Variants in AGAP1 observed in about 807,000 individuals in gnomAD.
AGAP1 encodes the protein ArfGAP with GTPase domain, ankyrin repeat and PH domain 1.
AGAP1 carries 29 observed loss-of-function variants against 105.3 expected under a neutral mutation model. That is an observed-to-expected ratio of 0.28 (90% CI 0.21 to 0.38). AGAP1 has a LOEUF of 0.38. Ranked by LOEUF, AGAP1 falls within the 10% of genes least tolerant of loss-of-function variation. AGAP1 has a pLI of 1.00. For missense variants in AGAP1, 998 were observed against 1,165.1 expected, an observed-to-expected ratio of 0.86 and a Z score of 2.09; for synonymous variants, 509 against 485.9, an observed-to-expected ratio of 1.05 and a Z score of -0.63.
chr2:235,613,643 AGG>A lies in AGAP1; in HGVS notation c.164-95535_164-95534del, dbSNP rs1946213398. Among the ~76,000 whole-genome samples, 3 of 152,358 alleles carry A rather than the reference AGG, an allele frequency of 2.0e-5. No individual in the cohort carries two copies. In the South Asian group the frequency reaches 6.2e-4, roughly 32 times the overall value. ...CCTGAAAAAACTACAAGAAATGGTA[AGG>A]AAGAGAATAAAAGAGGAAAATAAAT... On this transcript the variant is annotated intron_variant, in intron 1 of 17. Transcript: ENST00000304032.
intron 1 of AGAP1, among the ~76,000 whole-genome samples, chr2:235,560,659 G>C (rs1944118138): frequency 6.6e-6 from 1 of 152,188 alleles, no homozygotes; most frequent in African/African-American, 2.4e-5. Context: ...CAAAGAATGT[G>C]GATGGCATCT....
In AGAP1 at chr2:236,046,711, C is replaced by T. The variant is rs964506531; in HGVS notation, c.1892-2348C>T. ...GGTTGGGTTGGCCTGAATAAGACTA[C>T]ACAGTCAGAAGAGATGACCCCACAG... On this transcript the variant is annotated intron_variant, in intron 15 of 17. Coordinates refer to ENST00000304032, the MANE Select transcript of AGAP1 (RefSeq NM_001037131.3). The surrounding 1 kb of genome is among the most constrained non-coding windows in gnomAD (Gnocchi z 5.2). 6.6e-6 allele frequency among the ~76,000 whole-genome samples: 1 copy of T among 152,114 alleles called. No individual in the cohort carries two copies. The highest frequency in any genetic ancestry group is 1.5e-5 in the Non-Finnish European group (1 of 68,022).
intron 16 of AGAP1, among the ~76,000 whole-genome samples, chr2:236,088,483 GGCTATTGGGTGATA>G (rs1232690855): frequency 1.3e-5 from 2 of 152,122 alleles, no homozygotes; most frequent in African/African-American, 4.8e-5. Flanking sequence ...CTTACTGTTG[GGCTATTGGGTGATA>G]GCTAGTGGGT....
Position 235,559,771 on chromosome 2 carries a change from G to A in AGAP1, c.163+64922G>A, listed in dbSNP as rs887205018. ...TTTTTTTAAATATGCTTATCTTAAAGCATATTTATATATTTGTATATCTTA... is the reference window on the plus strand; with the variant it reads ...TTTTTTTAAATATGCTTATCTTAAAACATATTTATATATTTGTATATCTTA... On this transcript the variant is annotated intron_variant, in intron 1 of 17. Coordinates refer to ENST00000304032, the MANE Select transcript of AGAP1 (RefSeq NM_001037131.3). The surrounding 1 kb of genome is among the most constrained non-coding windows in gnomAD (Gnocchi z 5.7). Among the ~76,000 whole-genome samples, 4 of 151,510 alleles carry A rather than the reference G, an allele frequency of 2.6e-5. No homozygotes were observed. The highest frequency in any genetic ancestry group is 4.9e-5 in the African/African-American group (2 of 41,166).
intron 1 of AGAP1, among the ~76,000 whole-genome samples, chr2:235,499,860 C>G (rs1428754630): frequency 1.3e-5 from 2 of 152,172 alleles, no homozygotes; most frequent in Admixed American, 6.5e-5. Flanking sequence ...TTTGATAGAT[C>G]ACGTCTGGCC....
chr2:235,668,889 C>T (rs1162154020), intron 1 of AGAP1, among the ~76,000 whole-genome samples: 2 of 152,144 alleles, frequency 1.3e-5, no homozygotes, highest in South Asian at 2.1e-4. Context: ...AGTGGTTTGT[C>T]AGTGAATAAG....
At chr2:235,853,719 T>C (rs1389841408) in intron 9 of AGAP1, among the ~76,000 whole-genome samples, 1 of 152,192 alleles carries the variant, frequency 6.6e-6, no homozygotes, top group African/African-American at 2.4e-5. Flanking sequence ...GTATGATAAG[T>C]GCATCTACAA....
At chr2:235,853,628 A>T (rs1471347136) in intron 9 of AGAP1, among the ~76,000 whole-genome samples, 1 of 152,228 alleles carries the variant, frequency 6.6e-6, no homozygotes, top group Non-Finnish European at 1.5e-5. Context: ...TTTATCAGAC[A>T]ATATGACTGA....
At position 236,096,647 on chromosome 2, in the gene AGAP1, C is replaced by T. The variant is rs1179050704; in HGVS notation, c.2115-23545C>T. On this transcript the variant is annotated intron_variant, in intron 16 of 17. Coordinates refer to ENST00000304032, the MANE Select transcript of AGAP1 (RefSeq NM_001037131.3). This position sits in a 1 kb window ranked among gnomAD's most constrained non-coding sequence, Gnocchi z 4.4. ...AGGCTGGAGTGCAGTGGCATGATCT[C>T]ATCTCACTGCAACCTCTGCCTCCCC... Among the ~76,000 whole-genome samples the T allele has an allele frequency of 6.6e-6, 1 of 151,826 alleles. No homozygotes were observed. The highest frequency in any genetic ancestry group is 1.5e-5 in the Non-Finnish European group (1 of 67,960).
At chr2:236,052,427 G>C (rs1424796893) in intron 16 of AGAP1, among the ~76,000 whole-genome samples, 3 of 152,168 alleles carry the variant, frequency 2.0e-5, no homozygotes, top group Admixed American at 6.5e-5. Flanking sequence ...CGTGCGGCCA[G>C]TTAGGACAGC....
chr2:235,825,163 C>CT (rs1958997536), intron 9 of AGAP1, among the ~76,000 whole-genome samples: 1 of 152,226 alleles, frequency 6.6e-6, no homozygotes, highest in African/African-American at 2.4e-5. Flanking sequence ...CAGAGGGAGC[C>CT]TCCCAGGCTT....
rs183989287 is a variant in AGAP1 at position 235,888,523 on chromosome 2, G to A, written c.1155+5074G>A. On this transcript the variant is annotated intron_variant, in intron 10 of 17. Coordinates refer to ENST00000304032, the MANE Select transcript of AGAP1 (RefSeq NM_001037131.3). This position sits in a 1 kb window ranked among gnomAD's most constrained non-coding sequence, Gnocchi z 4.8. Reference sequence around the variant, plus strand: ...TTGATAGACCTGCCTGGGCAACATGGAGAGACCCCATCTCTACAACAAATA... The same window carrying A: ...TTGATAGACCTGCCTGGGCAACATGAAGAGACCCCATCTCTACAACAAATA... 7.2e-4 allele frequency among the ~76,000 whole-genome samples: 110 copies of A among 152,168 alleles called. No individual in the cohort carries two copies. Among genetic ancestry groups the A allele is most frequent in the African/African-American group, 2.5e-3 (103 of 41,538 alleles).
chr2:235,653,703 A>C (rs548796763), intron 1 of AGAP1, among the ~76,000 whole-genome samples: 21 of 152,336 alleles, frequency 1.4e-4, no homozygotes, highest in Admixed American at 9.1e-4. Context: ...GAGCATAAAC[A>C]AAATTGTTGA....
chr2:235,530,416 A>G (rs1407769673), intron 1 of AGAP1, among the ~76,000 whole-genome samples: 1 of 152,160 alleles, frequency 6.6e-6, no homozygotes, highest in Non-Finnish European at 1.5e-5. Context: ...GTTACCCCAG[A>G]TGCAGTGGCT....
At chr2:235,648,192 CCTT>C (rs1947456434) in intron 1 of AGAP1, among the ~76,000 whole-genome samples, 1 of 152,178 alleles carries the variant, frequency 6.6e-6, no homozygotes, top group Non-Finnish European at 1.5e-5. Flanking sequence ...TCTTCTGAGA[CCTT>C]CTGGTTATCC....
chr2:235,891,257 C>G lies in AGAP1; in HGVS notation c.1155+7808C>G, dbSNP rs983391899. On this transcript the variant is annotated intron_variant, in intron 10 of 17. Coordinates refer to ENST00000304032, the MANE Select transcript of AGAP1 (RefSeq NM_001037131.3). This position sits in a 1 kb window ranked among gnomAD's most constrained non-coding sequence, Gnocchi z 4.2. ...GATAACCCTAAACATTTAAATAAGA[C>G]TGACACGGTCAAAGCAAGCACGCTG... Among the ~76,000 whole-genome samples, 3 of 152,192 alleles carry G rather than the reference C, an allele frequency of 2.0e-5. No homozygotes were observed. Among genetic ancestry groups the G allele is most frequent in the African/African-American group, 7.2e-5 (3 of 41,438 alleles).
intron 1 of AGAP1, among the ~76,000 whole-genome samples, chr2:235,560,120 T>G (rs1944098988): frequency 6.6e-6 from 1 of 152,200 alleles, no homozygotes; most frequent in South Asian, 2.1e-4. Flanking sequence ...TGATGGTTTC[T>G]TTTACGTTTA....
chr2:235,630,254 C>T (rs1229864415), intron 1 of AGAP1, among the ~76,000 whole-genome samples: 1 of 152,048 alleles, frequency 6.6e-6, no homozygotes, highest in Non-Finnish European at 1.5e-5. Context: ...TGCTCTGTTG[C>T]CCAGGCTGGA....
At chr2:235,585,221 C>T (rs1300506654) in intron 1 of AGAP1, among the ~76,000 whole-genome samples, 1 of 152,170 alleles carries the variant, frequency 6.6e-6, no homozygotes, top group Non-Finnish European at 1.5e-5. Context: ...TCTTACGGGC[C>T]TAAAATCAAA....
Sources: gnomAD v4.1 joint callset for allele counts (sites outside exome capture counted in the v4.1 genomes callset) on GRCh38, gnomAD v4.1.1 for gene constraint, Gnocchi (gnomAD v3.1) non-coding constraint, MANE v1.5 for transcripts, NCBI Gene and HGNC (gene_info 2026-07-23, HGNC 2026-07-21) for gene names.